SKAP2: variants seen among roughly 807,000 people sequenced by gnomAD.
SKAP2 encodes src kinase-associated phosphoprotein 2.
In SKAP2, 28 loss-of-function variants were observed where a neutral mutation model predicts 54.9. The ratio of observed to expected loss-of-function variants is 0.51; its 90% CI spans 0.38 to 0.70. The LOEUF is 0.70. Among genes scored for constraint, SKAP2 ranks in the 30% least tolerant of loss-of-function variants. The pLI is 0.00. For missense variants in SKAP2, 356 were observed against 424.1 expected, an observed-to-expected ratio of 0.84 and a Z score of 1.41; for synonymous variants, 137 against 134.3, an observed-to-expected ratio of 1.02 and a Z score of -0.14.
At position 26,843,220 on chromosome 7, in the gene SKAP2, C is replaced by T. The variant is rs973731584; in HGVS notation, c.307+810G>A. On this transcript the variant is annotated intron_variant, in intron 4 of 12. Transcript: ENST00000345317. ...AGATGGAACTGCACAGTTTGATCAT[C>T]ACATAGTGGCAGAAGGTATTATTCA... Among the ~76,000 whole-genome samples, 6 of 152,148 alleles carry T rather than the reference C, an allele frequency of 3.9e-5. 1 individual carries two copies. Among genetic ancestry groups the T allele is most frequent in the East Asian group, 1.9e-4 (1 of 5,178 alleles).
chr7:26,763,826 C>G (rs1782985146), intron 4 of SKAP2, among the ~76,000 whole-genome samples: 1 of 152,056 alleles, frequency 6.6e-6, no homozygotes, highest in South Asian at 2.1e-4. Context: ...AGGCTACAAA[C>G]CCCCTATAGC....
At chr7:26,764,451 T>C (rs1266567473) in intron 4 of SKAP2, among the ~76,000 whole-genome samples, 1 of 152,166 alleles carries the variant, frequency 6.6e-6, no homozygotes, top group East Asian at 1.9e-4. Context: ...ATAGACTAGA[T>C]AATTTACAAC....
downstream of SKAP2, among the ~76,000 whole-genome samples, chr7:26,662,834 G>A (rs773559254): frequency 1.4e-4 from 22 of 152,092 alleles, no homozygotes; most frequent in Non-Finnish European, 2.6e-4. Context: ...AAAGCAGAGG[G>A]CACACTTGAC....
chr7:26,854,244 A>C (rs1286346737), intron 2 of SKAP2, 82 bp from the exon 3 acceptor site: 1 of 868,578 alleles, frequency 1.2e-6, no homozygotes, highest in Admixed American at 3.1e-5. Context: ...AAAATCCAAA[A>C]TCTATATTAA....
chr7:26,654,847 ATT>A, the SKAP2 span, among the ~76,000 whole-genome samples: 1 of 152,216 alleles, frequency 6.6e-6, no homozygotes, highest in South Asian at 2.1e-4. Flanking sequence ...ACTACCAATA[ATT>A]ATCTTGGCTT....
At chr7:26,704,671 A>G (rs986701599) in intron 9 of SKAP2, among the ~76,000 whole-genome samples, 4 of 152,220 alleles carry the variant, frequency 2.6e-5, no homozygotes, top group Non-Finnish European at 5.9e-5. Context: ...TAGAACTAGT[A>G]TATTTCTGTA....
chr7:26,844,043 T>C lies in SKAP2; in HGVS notation c.294A>G (p.Glu98=), dbSNP rs1422290521. The part of the protein sequence containing the change: ...LASERYDKDD[E]APSDGAQFPP... ...AATGTCACATACCATCAGAGGGGGC[T>C]TCATCGTCTTTATCATATCGTTCTG... The change falls in exon 4 of 13, where the codon GAA becomes GAG. Residue 98 remains glutamate, a synonymous_variant. Coordinates refer to ENST00000345317, the MANE Select transcript of SKAP2 (RefSeq NM_003930.5). 1 of 1,606,164 alleles carries C rather than the reference T, an allele frequency of 6.2e-7. No homozygotes were observed.
chr7:26,844,189 A>T, intron 3 of SKAP2, 52 bp from the exon 4 acceptor site: 1 of 1,067,246 alleles, frequency 9.4e-7, no homozygotes, highest in Non-Finnish European at 1.4e-6. Flanking sequence ...TTAGCCATTT[A>T]AAGTAATGTT....
intron 9 of SKAP2, among the ~76,000 whole-genome samples, chr7:26,690,863 T>C (rs1786766099): frequency 6.6e-6 from 1 of 152,214 alleles, no homozygotes; most frequent in Non-Finnish European, 1.5e-5. Flanking sequence ...AAATGTGTGA[T>C]TAAAAATGCA....
intron 11 of SKAP2, among the ~76,000 whole-genome samples, chr7:26,674,730 A>C (rs765220848): frequency 1.3e-5 from 2 of 152,208 alleles, no homozygotes; most frequent in African/African-American, 2.4e-5. Context: ...AGTTCCTCTA[A>C]TTCAAAGAAT....
intron 11 of SKAP2, among the ~76,000 whole-genome samples, chr7:26,681,814 T>G (rs376473074): frequency 6.6e-6 from 1 of 152,236 alleles, no homozygotes; most frequent in East Asian, 1.9e-4. Flanking sequence ...GTATTCTTCC[T>G]TATATATACA....
chr7:26,736,021 C>T (rs1443555812), intron 6 of SKAP2, among the ~76,000 whole-genome samples: 2 of 152,126 alleles, frequency 1.3e-5, no homozygotes, highest in Non-Finnish European at 1.5e-5. Context: ...AAACACAAGC[C>T]ACATCTTCAG....
At chr7:26,800,013 A>G (rs1053044804) in intron 4 of SKAP2, among the ~76,000 whole-genome samples, 1 of 151,092 alleles carries the variant, frequency 6.6e-6, no homozygotes, top group Non-Finnish European at 1.5e-5. Flanking sequence ...AGTCCCAGCT[A>G]CTTAGGAGGC....
chr7:26,663,099 C>T (rs781101276), downstream of SKAP2, among the ~76,000 whole-genome samples: 2 of 152,024 alleles, frequency 1.3e-5, no homozygotes, highest in Non-Finnish European at 2.9e-5. Flanking sequence ...TCATTCACTC[C>T]TTGTCCTTCA....
At chr7:26,702,820 TCAC>T (rs768779928) in intron 9 of SKAP2, among the ~76,000 whole-genome samples, 116 of 152,346 alleles carry the variant, frequency 7.6e-4, no homozygotes, top group Admixed American at 2.1e-3. Flanking sequence ...TTTTCTACTA[TCAC>T]CACATTTCCC....
At chr7:26,780,176 T>C (rs1783397057) in intron 4 of SKAP2, among the ~76,000 whole-genome samples, 1 of 152,098 alleles carries the variant, frequency 6.6e-6, no homozygotes, top group Non-Finnish European at 1.5e-5. Context: ...TGAGATATGT[T>C]AGTGGCTCAT....
chr7:26,843,949 T>G, intron 4 of SKAP2, 81 bp downstream of exon 4: 2 of 872,160 alleles, frequency 2.3e-6, no homozygotes, highest in Non-Finnish European at 3.7e-6. Flanking sequence ...TATGTTCATC[T>G]GCTTTCTCAT....
chr7:26,734,724 T>G (rs1028062802), intron 6 of SKAP2, among the ~76,000 whole-genome samples: 1 of 152,108 alleles, frequency 6.6e-6, no homozygotes, highest in African/African-American at 2.4e-5. Context: ...TGCTGTACCG[T>G]CACATGGCGG....
intron 6 of SKAP2, among the ~76,000 whole-genome samples, chr7:26,730,530 T>C (rs1787801566): frequency 6.6e-6 from 1 of 152,210 alleles, no homozygotes; most frequent in Non-Finnish European, 1.5e-5. Flanking sequence ...TAACATAGTA[T>C]CATTTTGAGT....
Sources: allele counts gnomAD v4.1 joint callset (sites outside exome capture counted in the v4.1 genomes callset), GRCh38; gene constraint gnomAD v4.1.1; transcripts MANE v1.5; gene names NCBI Gene and HGNC (gene_info 2026-07-23, HGNC 2026-07-21).